Variants in SLC14A2 observed in about 807,000 individuals in gnomAD.
The protein encoded by SLC14A2 is urea transporter 2.
In SLC14A2, 91 loss-of-function variants were observed where a neutral mutation model predicts 104.6. That is an observed-to-expected ratio of 0.87 (90% CI 0.73 to 1.04). The LOEUF (loss-of-function observed/expected upper bound fraction) is 1.04, where lower values mean the gene tolerates loss of function less well. SLC14A2 is among the 50% of genes least tolerant of loss of function. SLC14A2 has a pLI of 0.00. For synonymous variants in SLC14A2, 476 were observed against 466.4 expected (o/e 1.02, Z -0.27); for missense variants, 1,189 against 1,156.0 (o/e 1.03, Z -0.41).
chr18:45,638,339 G>A (rs988857469), intron 6 of SLC14A2, among the ~76,000 whole-genome samples: 8 of 152,164 alleles, frequency 5.3e-5, no homozygotes, highest in Non-Finnish European at 1.2e-4. Flanking sequence ...TTCATTCAGA[G>A]ACAAGAGTGA....
At chr18:45,327,158 C>T (rs2144251927) in intron 1 of SLC14A2, among the ~76,000 whole-genome samples, 1 of 152,182 alleles carries the variant, frequency 6.6e-6, no homozygotes, top group Non-Finnish European at 1.5e-5. Flanking sequence ...CAAGATGTTC[C>T]TGATTTAAGC....
chr18:45,389,139 T>C (rs966409150), intron 1 of SLC14A2, among the ~76,000 whole-genome samples: 2 of 152,192 alleles, frequency 1.3e-5, no homozygotes, highest in Non-Finnish European at 2.9e-5. Context: ...ACTGACCATT[T>C]TGAGATTATG....
intron 1 of SLC14A2, chr18:45,435,097 C>T (rs1188328436): frequency 6.6e-5 from 10 of 152,154 alleles, no homozygotes; most frequent in Non-Finnish European, 1.5e-4. Context: ...TTGTCCCCTC[C>T]ACCTGGGCCT....
At chr18:45,317,238 T>C (rs753649127) in intron 1 of SLC14A2, among the ~76,000 whole-genome samples, 2 of 152,124 alleles carry the variant, frequency 1.3e-5, no homozygotes, top group South Asian at 2.1e-4. Flanking sequence ...AATAGATAGA[T>C]CAAGCATAGA....
intron 1 of SLC14A2, among the ~76,000 whole-genome samples, chr18:45,292,614 A>G (rs558070031): frequency 1.3e-5 from 2 of 152,316 alleles, no homozygotes; most frequent in South Asian, 4.1e-4. Context: ...CCATTCACTT[A>G]CTATTCTTTC....
chr18:45,654,361 C>T (rs898215055), intron 10 of SLC14A2, among the ~76,000 whole-genome samples: 22 of 152,218 alleles, frequency 1.4e-4, no homozygotes, highest in African/African-American at 4.6e-4. Flanking sequence ...GGACCAGAGA[C>T]GCCGCCCAAT....
chr18:45,217,802 T>C (rs1364443889), intron 1 of SLC14A2, among the ~76,000 whole-genome samples: 2 of 152,242 alleles, frequency 1.3e-5, no homozygotes, highest in African/African-American at 2.4e-5. Flanking sequence ...AAACTTAGGA[T>C]GTTAAAATTA....
At position 45,540,974 on chromosome 18, in the gene SLC14A2, G is replaced by C. The variant is rs569005100; in HGVS notation, c.-35+57652G>C. On this transcript the variant is annotated intron_variant, in intron 2 of 20. Coordinates refer to the SLC14A2 transcript ENST00000586448. ...GCCTGTGAAAGAGGGTGATGAGAGG[G>C]AAGGGGTGAGGCTGAAGGACAAGGA... 2.6e-5 allele frequency among the ~76,000 whole-genome samples: 4 copies of C among 152,262 alleles called. No individual in the cohort carries two copies. In the South Asian group the frequency reaches 8.3e-4, roughly 32 times the overall value.
At chr18:45,565,273 C>A (rs528899072) in intron 2 of SLC14A2, among the ~76,000 whole-genome samples, 1 of 151,998 alleles carries the variant, frequency 6.6e-6, no homozygotes, top group African/African-American at 2.4e-5. Flanking sequence ...TACAGGCGCC[C>A]GCCACCAAGC....
intron 19 of SLC14A2, among the ~76,000 whole-genome samples, chr18:45,681,537 CA>C (rs993227955): frequency 3.3e-5 from 5 of 152,158 alleles, no homozygotes; most frequent in African/African-American, 9.7e-5. Context: ...GAAATAAAAA[CA>C]GGTCAACATC....
chr18:45,591,055 C>A (rs2044639828), intron 2 of SLC14A2, among the ~76,000 whole-genome samples: 1 of 152,136 alleles, frequency 6.6e-6, no homozygotes, highest in African/African-American at 2.4e-5. Flanking sequence ...CCAATCCCAC[C>A]CCAACACACA....
chr18:45,318,325 G>T (rs894457179), intron 1 of SLC14A2, among the ~76,000 whole-genome samples: 2 of 152,078 alleles, frequency 1.3e-5, no homozygotes, highest in African/African-American at 4.8e-5. Flanking sequence ...CCCAGGTTTG[G>T]GATGCTTTTC....
chr18:45,182,711 G>A, the SLC14A2 span, among the ~76,000 whole-genome samples: 18 of 152,036 alleles, frequency 1.2e-4, no homozygotes, highest in Admixed American at 7.2e-4. Flanking sequence ...AATATATAAA[G>A]TAGAAGAGTA....
chr18:45,248,039 C>A (rs2084384127), intron 1 of SLC14A2, among the ~76,000 whole-genome samples: 1 of 152,124 alleles, frequency 6.6e-6, no homozygotes, highest in Admixed American at 6.6e-5. Context: ...AGCAAAAAAA[C>A]CCCTTTCTAT....
In SLC14A2 at chr18:45,662,314, G is replaced by A. The variant is rs114184102; in HGVS notation, c.1352-1471G>A. Among the ~76,000 whole-genome samples, 818 of 152,150 alleles carry A rather than the reference G, an allele frequency of 5.4e-3. 10 individuals carry two copies. The highest frequency in any genetic ancestry group is 0.019 in the African/African-American group (785 of 41,532). ...AAGACTCCGTCTTAGAAAAAAAAAA[G>A]TGTAGACAAGACCTGCTTTCCTTAA... On this transcript the variant is annotated intron_variant, in intron 10 of 19. Transcript: ENST00000255226.
chr18:45,662,087 G>A (rs1013998017), intron 10 of SLC14A2, among the ~76,000 whole-genome samples: 23 of 152,176 alleles, frequency 1.5e-4, no homozygotes, highest in South Asian at 4.1e-4. Context: ...GGTGGATCAC[G>A]AGGTCAGGAA....
intron 1 of SLC14A2, among the ~76,000 whole-genome samples, chr18:45,374,668 C>T (rs1478175733): frequency 2.0e-5 from 3 of 152,170 alleles, no homozygotes; most frequent in African/African-American, 7.2e-5. Context: ...GCCTCAGCTG[C>T]TGAAAACTTC....
intron 2 of SLC14A2, among the ~76,000 whole-genome samples, chr18:45,538,319 C>T (rs901590950): frequency 6.6e-6 from 1 of 152,222 alleles, no homozygotes; most frequent in African/African-American, 2.4e-5. Context: ...TTTCCAAACC[C>T]ACTACATTCC....
intron 1 of SLC14A2, among the ~76,000 whole-genome samples, chr18:45,275,791 T>A (rs1036609777): frequency 6.6e-6 from 1 of 152,242 alleles, no homozygotes; most frequent in African/African-American, 2.4e-5. Context: ...GTTTACTATT[T>A]GGAGATCAAA....
Sources: allele counts gnomAD v4.1 joint callset (sites outside exome capture counted in the v4.1 genomes callset), GRCh38; gene constraint gnomAD v4.1.1; transcripts MANE v1.5; gene names NCBI Gene and HGNC (gene_info 2026-07-23, HGNC 2026-07-21).